Variants in RBFOX1 observed in about 807,000 individuals in gnomAD.
RBFOX1 encodes RNA binding protein fox-1 homolog 1.
A neutral mutation model predicts 57.7 loss-of-function variants in RBFOX1; 8 were observed. The ratio of observed to expected loss-of-function variants is 0.14; its 90% confidence interval spans 0.08 to 0.25. RBFOX1 has a LOEUF of 0.25. Ranked by LOEUF, RBFOX1 falls within the 10% of genes least tolerant of loss-of-function variation. The pLI, the probability that RBFOX1 is intolerant of heterozygous loss-of-function variation, is 1.00. For synonymous variants in RBFOX1, 326 were observed against 222.4 expected (o/e 1.47, Z -4.15); for missense variants, 611 against 548.5 (o/e 1.11, Z -1.14).
chr16:6,960,191 G>A (rs1332937056), intron 3 of RBFOX1, among the ~76,000 whole-genome samples: 2 of 152,116 alleles, frequency 1.3e-5, no homozygotes, highest in Non-Finnish European at 2.9e-5. Flanking sequence ...GATTTAGCAG[G>A]AGACAAGAGA....
At chr16:6,781,349 T>G (rs1237780543) in intron 3 of RBFOX1, among the ~76,000 whole-genome samples, 1 of 152,184 alleles carries the variant, frequency 6.6e-6, no homozygotes, top group Admixed American at 6.5e-5. Context: ...TGAGGATTTT[T>G]GCATTCATGT....
At chr16:6,565,707 A>G (rs946102772) in intron 2 of RBFOX1, among the ~76,000 whole-genome samples, 1 of 152,062 alleles carries the variant, frequency 6.6e-6, no homozygotes, top group African/African-American at 2.4e-5. Flanking sequence ...TGACCTCGTG[A>G]TCCGCCCGCT....
chr16:5,778,294 C>T (rs2054210930), intron 3 of RBFOX1, among the ~76,000 whole-genome samples: 1 of 152,112 alleles, frequency 6.6e-6, no homozygotes, highest in African/African-American at 2.4e-5. Flanking sequence ...CCCCAGAGTT[C>T]TAAGTGTGAG....
At chr16:5,338,991 A>G (rs1355388983) in intron 1 of RBFOX1, among the ~76,000 whole-genome samples, 2 of 152,198 alleles carry the variant, frequency 1.3e-5, no homozygotes, top group Non-Finnish European at 2.9e-5. Context: ...TCAGTTCCAC[A>G]TATAAATTAC....
At chr16:6,648,642 A>G (rs907326188) in intron 2 of RBFOX1, among the ~76,000 whole-genome samples, 11 of 152,130 alleles carry the variant, frequency 7.2e-5, no homozygotes, top group African/African-American at 2.2e-4. Context: ...CACCCTTTGA[A>G]TTTTGGATTC....
At chr16:7,333,703 T>C (rs2144526394) in intron 4 of RBFOX1, among the ~76,000 whole-genome samples, 1 of 152,270 alleles carries the variant, frequency 6.6e-6, no homozygotes, top group East Asian at 1.9e-4. Flanking sequence ...TGTGTGCTGG[T>C]TTTACTTTGA....
At chr16:7,491,430 C>T (rs1008415542) in intron 4 of RBFOX1, among the ~76,000 whole-genome samples, 2 of 151,258 alleles carry the variant, frequency 1.3e-5, no homozygotes, top group Non-Finnish European at 2.9e-5. Context: ...CAGAAGCAGC[C>T]TGGGAAGGCA....
At chr16:7,210,987 G>C (rs1271047115) in intron 4 of RBFOX1, among the ~76,000 whole-genome samples, 3 of 151,576 alleles carry the variant, frequency 2.0e-5, no homozygotes, top group African/African-American at 7.3e-5. Context: ...GATGATGAGT[G>C]TGTTAAATTG....
intron 4 of RBFOX1, among the ~76,000 whole-genome samples, chr16:7,158,464 G>C (rs747096890): frequency 1.3e-5 from 2 of 152,138 alleles, no homozygotes; most frequent in East Asian, 3.9e-4. Context: ...GCAATCTCCT[G>C]ACCTTTTTCA....
chr16:6,507,698 C>G (rs975865496), intron 2 of RBFOX1, among the ~76,000 whole-genome samples: 1 of 151,872 alleles, frequency 6.6e-6, no homozygotes. Context: ...TGGCATTATG[C>G]TAAGAGAGAT....
At chr16:7,192,908 C>T (rs2085780627) in intron 4 of RBFOX1, among the ~76,000 whole-genome samples, 2 of 152,224 alleles carry the variant, frequency 1.3e-5, no homozygotes, top group African/African-American at 4.8e-5. Flanking sequence ...CTCACACCCT[C>T]TTCTGAGAAC....
At chr16:5,321,647 C>G (rs1233483156) in intron 1 of RBFOX1, among the ~76,000 whole-genome samples, 1 of 152,112 alleles carries the variant, frequency 6.6e-6, no homozygotes, top group Non-Finnish European at 1.5e-5. Context: ...CCACTAGGTT[C>G]TGGGTGGGTG....
intron 3 of RBFOX1, among the ~76,000 whole-genome samples, chr16:6,791,174 T>A (rs2082868995): frequency 6.6e-6 from 1 of 152,156 alleles, no homozygotes; most frequent in African/African-American, 2.4e-5. Context: ...CCCAAAGTGC[T>A]GGGGTTACTG....
chr16:5,578,660 G>A (rs938184212), intron 2 of RBFOX1, among the ~76,000 whole-genome samples: 1 of 152,064 alleles, frequency 6.6e-6, no homozygotes, highest in African/African-American at 2.4e-5. Flanking sequence ...TAGATCTAAG[G>A]CCTTCAAGGT....
intron 4 of RBFOX1, among the ~76,000 whole-genome samples, chr16:5,976,589 C>G (rs1369926957): frequency 6.6e-6 from 1 of 152,110 alleles, no homozygotes; most frequent in Non-Finnish European, 1.5e-5. Context: ...GTATTTGAGG[C>G]CAGGCACAGT....
intron 3 of RBFOX1, among the ~76,000 whole-genome samples, chr16:6,677,748 A>G (rs1172317253): frequency 6.6e-6 from 1 of 152,176 alleles, no homozygotes; most frequent in Non-Finnish European, 1.5e-5. Flanking sequence ...ATAGTGAGCG[A>G]TTTATCTTCT....
At chr16:5,717,590 G>A (rs1006039679) in intron 3 of RBFOX1, among the ~76,000 whole-genome samples, 1 of 152,028 alleles carries the variant, frequency 6.6e-6, no homozygotes, top group Non-Finnish European at 1.5e-5. Context: ...TTATAAGTGC[G>A]AATATACGAT....
chr16:6,565,058 G>A (rs536698020), intron 2 of RBFOX1, among the ~76,000 whole-genome samples: 1 of 149,582 alleles, frequency 6.7e-6, no homozygotes, highest in South Asian at 2.1e-4. Context: ...TTGAACCCAG[G>A]AGACAGAGGT....
chr16:6,895,440 GTGTGTGTGTATA>G (rs1377612689), intron 3 of RBFOX1, among the ~76,000 whole-genome samples: 7 of 87,512 alleles, frequency 8.0e-5, no homozygotes, highest in Non-Finnish European at 1.3e-4. Flanking sequence ...GTGTGTGTGT[GTGTGTGTGTATA>G]TATATATATA....
Sources: gnomAD v4.1 joint callset for allele counts (sites outside exome capture counted in the v4.1 genomes callset) on GRCh38, gnomAD v4.1.1 for gene constraint, MANE v1.5 for transcripts, NCBI Gene and HGNC (gene_info 2026-07-23, HGNC 2026-07-21) for gene names.